ADAMTSL1: variants seen among roughly 807,000 people sequenced by gnomAD.
ADAMTSL1 encodes ADAMTS like 1.
Under a neutral mutation model 201.8 loss-of-function variants are expected in ADAMTSL1, and 126 were observed. The ratio of observed to expected loss-of-function variants is 0.62; its 90% CI spans 0.54 to 0.72. The LOEUF is 0.72. ADAMTSL1 is among the 30% of genes least tolerant of loss of function. The pLI is 0.00. For missense variants in ADAMTSL1, 2,679 were observed against 2,277.8 expected (o/e 1.18, Z -3.59); for synonymous variants, 1,121 against 903.4 (o/e 1.24, Z -4.32).
chr9:18,132,928 G>T (rs1826009875), intron 1 of ADAMTSL1, among the ~76,000 whole-genome samples: 1 of 152,148 alleles, frequency 6.6e-6, no homozygotes, highest in African/African-American at 2.4e-5. Flanking sequence ...GGATTACGGA[G>T]ATAGCGTTCA....
chr9:18,121,576 T>C (rs1222993978), intron 1 of ADAMTSL1, among the ~76,000 whole-genome samples: 2 of 152,176 alleles, frequency 1.3e-5, no homozygotes, highest in Non-Finnish European at 2.9e-5. Flanking sequence ...TAAGGAAAAG[T>C]TATTTGAAAT....
At chr9:18,635,133 T>C (rs79980830) in intron 5 of ADAMTSL1, among the ~76,000 whole-genome samples, 16 of 151,864 alleles carry the variant, frequency 1.1e-4, no homozygotes, top group African/African-American at 3.1e-4. Flanking sequence ...GTAAATAGTA[T>C]AATTTAGGTG....
intron 2 of ADAMTSL1, among the ~76,000 whole-genome samples, chr9:18,525,485 C>A (rs1818979612): frequency 1.3e-5 from 2 of 152,124 alleles, no homozygotes; most frequent in Admixed American, 1.3e-4. Context: ...CTTCTGCTAG[C>A]TTTTGAATGT....
chr9:18,636,030 A>T lies in ADAMTSL1; in HGVS notation c.676+13A>T. 6 of 1,563,962 alleles carry T rather than the reference A, an allele frequency of 3.8e-6. No homozygotes were observed. Among genetic ancestry groups the T allele is most frequent in the Non-Finnish European group, 5.2e-6 (6 of 1,163,308 alleles). ...CCTGATCACTTATGTAAGTAACTCC[A>T]TTGTTTTCCTTTGGGAATTGGGAAT... On this transcript the variant is annotated intron_variant, in intron 6 of 28. Coordinates refer to ENST00000380548, the MANE Select transcript of ADAMTSL1 (RefSeq NM_001040272.6).
In ADAMTSL1 at chr9:18,092,721, C is replaced by T. The variant is rs147565776; in HGVS notation, c.88-71141C>T. ...AGTCTAGTCAGGATACTTTGGGCCA[C>T]CAACATAATAGAAAGTTGCCAAAAT... is the stretch of plus-strand genomic sequence containing the variant. On this transcript the variant is annotated intron_variant, in intron 1 of 29. Coordinates refer to the ADAMTSL1 transcript ENST00000680146. 2.6e-5 allele frequency among the ~76,000 whole-genome samples: 4 copies of T among 152,266 alleles called. No individual in the cohort carries two copies. The East Asian group carries it at 7.7e-4, about 29-fold the overall frequency.
At chr9:18,654,688 T>C (rs1485504739) in intron 7 of ADAMTSL1, among the ~76,000 whole-genome samples, 1 of 149,186 alleles carries the variant, frequency 6.7e-6, no homozygotes, top group Non-Finnish European at 1.5e-5. Context: ...TTTAAAATAG[T>C]CTTAACAGCA....
chr9:18,316,491 G>GA (rs1452678817), intron 2 of ADAMTSL1, among the ~76,000 whole-genome samples: 2 of 152,014 alleles, frequency 1.3e-5, no homozygotes, highest in African/African-American at 4.8e-5. Flanking sequence ...TCCTTGCTGA[G>GA]AAAAAAGAAT....
intron 17 of ADAMTSL1, among the ~76,000 whole-genome samples, chr9:18,773,100 A>G (rs1820787745): frequency 6.6e-6 from 1 of 152,158 alleles, no homozygotes; most frequent in South Asian, 2.1e-4. Context: ...TGAGATGTGC[A>G]TGCCACACCT....
chr9:17,962,896 G>A (rs1014943378), intron 1 of ADAMTSL1, among the ~76,000 whole-genome samples: 1 of 152,202 alleles, frequency 6.6e-6, no homozygotes, highest in Non-Finnish European at 1.5e-5. Context: ...GTTTCCTGGT[G>A]AAGTAATTGT....
chr9:18,825,550 C>T (rs1220568241), intron 21 of ADAMTSL1, among the ~76,000 whole-genome samples: 1 of 151,892 alleles, frequency 6.6e-6, no homozygotes, highest in Non-Finnish European at 1.5e-5. Flanking sequence ...CTAGTTCATA[C>T]ATATATTTTA....
chr9:18,409,953 A>G (rs2133306951), intron 2 of ADAMTSL1, among the ~76,000 whole-genome samples: 1 of 151,606 alleles, frequency 6.6e-6, no homozygotes, highest in East Asian at 2.0e-4. Flanking sequence ...CAGCTAGGAT[A>G]TACGTTATAA....
intron 5 of ADAMTSL1, among the ~76,000 whole-genome samples, chr9:18,629,704 T>C (rs922137015): frequency 6.6e-6 from 1 of 152,194 alleles, no homozygotes; most frequent in African/African-American, 2.4e-5. Flanking sequence ...TATTCTTTTT[T>C]GTATTGTCTT....
intron 2 of ADAMTSL1, among the ~76,000 whole-genome samples, chr9:18,164,670 G>C (rs1395586747): frequency 2.0e-5 from 3 of 151,800 alleles, no homozygotes; most frequent in African/African-American, 4.8e-5. Context: ...ATTAGAATTA[G>C]AGGATGCCGT....
chr9:18,301,820 T>C (rs1338598203), intron 2 of ADAMTSL1, among the ~76,000 whole-genome samples: 1 of 152,060 alleles, frequency 6.6e-6, no homozygotes, highest in African/African-American at 2.4e-5. Context: ...TGTGCCAGAG[T>C]CTGTTGTCTT....
At chr9:18,128,811 C>CACCCTTATAAACATA (rs1296394357) in intron 1 of ADAMTSL1, among the ~76,000 whole-genome samples, 1 of 152,086 alleles carries the variant, frequency 6.6e-6, no homozygotes, top group Non-Finnish European at 1.5e-5. Context: ...TAGGCTAAAG[C>CACCCTTATAAACATA]ACCCTTATAA....
intron 2 of ADAMTSL1, among the ~76,000 whole-genome samples, chr9:18,222,644 CTT>C (rs66646766): frequency 0.015 from 1,840 of 120,078 alleles, 35 homozygotes; most frequent in African/African-American, 0.049. Flanking sequence ...CTCATATACT[CTT>C]TTTTTTTTTT....
At chr9:18,867,197 A>G (rs1300934076) in intron 23 of ADAMTSL1, among the ~76,000 whole-genome samples, 2 of 152,272 alleles carry the variant, frequency 1.3e-5, no homozygotes, top group Non-Finnish European at 2.9e-5. Context: ...TGTCAGAAGC[A>G]AAGGTATTGA....
chr9:18,337,837 A>G (rs1454964274), intron 2 of ADAMTSL1, among the ~76,000 whole-genome samples: 1 of 152,154 alleles, frequency 6.6e-6, no homozygotes, highest in Non-Finnish European at 1.5e-5. Context: ...ACAATACTGA[A>G]GAGTGGTAGA....
intron 7 of ADAMTSL1, among the ~76,000 whole-genome samples, chr9:18,655,928 C>G (rs958785130): frequency 6.7e-6 from 1 of 149,852 alleles, no homozygotes; most frequent in Admixed American, 6.6e-5. Context: ...AAATAGAAAT[C>G]TATAGGCAGT....
Sources: gnomAD v4.1 joint callset for allele counts (sites outside exome capture counted in the v4.1 genomes callset) on GRCh38, gnomAD v4.1.1 for gene constraint, MANE v1.5 for transcripts, NCBI Gene and HGNC (gene_info 2026-07-23, HGNC 2026-07-21) for gene names.